The following ITGBL1 variants were observed in gnomAD, a reference collection of about 807,000 sequenced individuals.
ITGBL1 encodes the protein integrin subunit beta like 1, also known as integrin beta-like protein 1.
Under a neutral mutation model 68.5 loss-of-function variants are expected in ITGBL1, and 51 were observed. The observed-to-expected ratio is 0.74, with a 90% confidence interval of 0.59 to 0.94. The LOEUF (loss-of-function observed/expected upper bound fraction) is 0.94. Among genes scored for constraint, ITGBL1 ranks in the 40% least tolerant of loss-of-function variants. The probability of loss-of-function intolerance (pLI) is 0.00; values close to 1 mark genes in which losing one functional copy is unlikely to be tolerated. For synonymous variants in ITGBL1, 209 were observed against 227.3 expected, an observed-to-expected ratio of 0.92 and a Z score of 0.72; for missense variants, 649 against 647.4, an observed-to-expected ratio of 1.00 and a Z score of -0.03.
chr13:101,468,570 C>G (rs1019084043), intron 2 of ITGBL1, among the ~76,000 whole-genome samples: 8 of 152,086 alleles, frequency 5.3e-5, no homozygotes, highest in African/African-American at 1.9e-4. Flanking sequence ...ATCCTAAAAG[C>G]ACATATGTAG....
chr13:101,564,557 T>TATATAACATATTTATGTAC (rs1299090181), intron 2 of ITGBL1, among the ~76,000 whole-genome samples: 1 of 150,372 alleles, frequency 6.7e-6, no homozygotes, highest in Non-Finnish European at 1.5e-5. Context: ...TATATAACAA[T>TATATAACATATTTATGTAC]ATATAACAAT....
At chr13:101,699,271 CA>C (rs565188626) in intron 8 of ITGBL1, among the ~76,000 whole-genome samples, 1 of 152,150 alleles carries the variant, frequency 6.6e-6, no homozygotes, top group Non-Finnish European at 1.5e-5. Context: ...GTTGTCATTC[CA>C]GGGTTGGATG....
At chr13:101,561,594 C>T (rs1005071107) in intron 2 of ITGBL1, among the ~76,000 whole-genome samples, 2 of 152,052 alleles carry the variant, frequency 1.3e-5, no homozygotes, top group African/African-American at 2.4e-5. Flanking sequence ...CTCTTACAGG[C>T]AGTTACAGAA....
At chr13:101,594,825 G>C (rs1472121964) in intron 6 of ITGBL1, among the ~76,000 whole-genome samples, 1 of 152,188 alleles carries the variant, frequency 6.6e-6, no homozygotes, top group East Asian at 1.9e-4. Context: ...TGTAATCCCA[G>C]CACTTTGGGA....
chr13:101,605,458 A>T (rs2030732533), intron 7 of ITGBL1, among the ~76,000 whole-genome samples: 1 of 151,376 alleles, frequency 6.6e-6, no homozygotes, highest in Non-Finnish European at 1.5e-5. Context: ...ATACACATAT[A>T]TAGACATATG....
intron 6 of ITGBL1, among the ~76,000 whole-genome samples, chr13:101,587,640 C>A (rs1217609657): frequency 6.6e-6 from 1 of 152,044 alleles, no homozygotes; most frequent in Non-Finnish European, 1.5e-5. Flanking sequence ...GCTTTCCCTG[C>A]CTAAGAAAAT....
chr13:101,521,035 A>G (rs189790514), intron 2 of ITGBL1, among the ~76,000 whole-genome samples: 40 of 152,324 alleles, frequency 2.6e-4, no homozygotes, highest in Middle Eastern at 3.4e-3. Flanking sequence ...GAAATAAAAT[A>G]ATAAAGGGTT....
At chr13:101,685,897 AT>A (rs1258205056) in intron 7 of ITGBL1, among the ~76,000 whole-genome samples, 1 of 151,944 alleles carries the variant, frequency 6.6e-6, no homozygotes, top group Non-Finnish European at 1.5e-5. Flanking sequence ...AGAAGAAAGT[AT>A]TTCCCAAAAG....
At chr13:101,522,853 G>A (rs963097195) in intron 2 of ITGBL1, among the ~76,000 whole-genome samples, 7 of 152,160 alleles carry the variant, frequency 4.6e-5, no homozygotes, top group Non-Finnish European at 1.0e-4. Flanking sequence ...AAGAGCAAGC[G>A]CAGAGAGTAG....
chr13:101,654,107 A>G lies in ITGBL1; in HGVS notation c.1016-38478A>G, dbSNP rs1378353042. ...TCTTTACAAGCGGAAGTAACAACAA[A>G]TAAAAAATGCCAAGTTTGCCGATTT... On this transcript the variant is annotated intron_variant, in intron 7 of 10. Transcript: ENST00000376180. Among the ~76,000 whole-genome samples, 5 of 152,220 alleles carry G rather than the reference A, an allele frequency of 3.3e-5. 1 individual carries two copies. The highest frequency in any genetic ancestry group is 3.3e-4 in the Admixed American group (5 of 15,286).
At chr13:101,573,990 A>G (rs1420520624) in intron 3 of ITGBL1, among the ~76,000 whole-genome samples, 1 of 152,080 alleles carries the variant, frequency 6.6e-6, no homozygotes, top group African/African-American at 2.4e-5. Flanking sequence ...CTGCAGACAA[A>G]TATAACAGCC....
chr13:101,460,100 T>G (rs2048298098), intron 2 of ITGBL1, among the ~76,000 whole-genome samples: 1 of 152,138 alleles, frequency 6.6e-6, no homozygotes, highest in Non-Finnish European at 1.5e-5. Flanking sequence ...TCTTTTTCTA[T>G]TTTTCATCTT....
intron 7 of ITGBL1, among the ~76,000 whole-genome samples, chr13:101,668,022 T>C (rs1448783791): frequency 6.6e-6 from 1 of 152,188 alleles, no homozygotes; most frequent in African/African-American, 2.4e-5. Flanking sequence ...AGCTTACATT[T>C]TGTTGCCTGG....
At chr13:101,694,710 C>T (rs1478749466) in intron 8 of ITGBL1, among the ~76,000 whole-genome samples, 1 of 152,168 alleles carries the variant, frequency 6.6e-6, no homozygotes, top group East Asian at 1.9e-4. Context: ...GTGTGAGCCA[C>T]TGAGCCTGGC....
chr13:101,554,549 GGTT>G (rs2139220158), intron 2 of ITGBL1, among the ~76,000 whole-genome samples: 1 of 152,336 alleles, frequency 6.6e-6, no homozygotes, highest in African/African-American at 2.4e-5. Flanking sequence ...AAGCAATTAT[GGTT>G]GTTCTCATGA....
chr13:101,512,702 A>G (rs2049134722), intron 2 of ITGBL1, among the ~76,000 whole-genome samples: 1 of 152,048 alleles, frequency 6.6e-6, no homozygotes, highest in Admixed American at 6.6e-5. Context: ...TGACTGGAAG[A>G]TGTCTTTTCT....
chr13:101,565,445 C>A (rs1193069464), intron 2 of ITGBL1, among the ~76,000 whole-genome samples: 2 of 151,944 alleles, frequency 1.3e-5, no homozygotes, highest in African/African-American at 2.4e-5. Flanking sequence ...ATCATGGAAC[C>A]CTTACTGGGC....
At position 101,715,681 on chromosome 13, in the gene ITGBL1, T is replaced by G. The variant is rs755892473; in HGVS notation, c.*27T>G. 3.4e-6 allele frequency: 5 copies of G among 1,474,144 alleles called. No individual in the cohort carries two copies. Among genetic ancestry groups the G allele is most frequent in the Non-Finnish European group, 3.8e-6 (4 of 1,052,508 alleles). The allele number at this position is 1,474,144 out of a possible 1,614,324, so 91.3% of individuals were successfully genotyped here. ...AATTACATGAGAGAGGTCTGGATTC[T>G]TATTTTTTCTGGGCCATTAGAACAG... is the stretch of plus-strand genomic sequence containing the variant. On this transcript the variant is annotated 3_prime_UTR_variant, in exon 11 of 11. Coordinates refer to ENST00000376180, the MANE Select transcript of ITGBL1 (RefSeq NM_004791.3).
intron 7 of ITGBL1, among the ~76,000 whole-genome samples, chr13:101,668,208 T>C (rs1009408221): frequency 6.6e-6 from 1 of 152,030 alleles, no homozygotes; most frequent in Non-Finnish European, 1.5e-5. Flanking sequence ...ACCAACATGG[T>C]GAAAACCTGT....
Sources: gnomAD v4.1 joint callset for allele counts (sites outside exome capture counted in the v4.1 genomes callset) on GRCh38, gnomAD v4.1.1 for gene constraint, MANE v1.5 for transcripts, NCBI Gene and HGNC (gene_info 2026-07-23, HGNC 2026-07-21) for gene names.